The following FUT8 variants were observed in gnomAD, a reference collection of about 807,000 sequenced individuals.
FUT8 encodes fucosyltransferase 8.
FUT8 carries 29 observed loss-of-function variants against 71.3 expected under a neutral mutation model. That is an observed-to-expected ratio of 0.41 (90% CI 0.30 to 0.55). The LOEUF is 0.55. FUT8 is among the 20% of genes least tolerant of loss of function. FUT8 has a pLI of 0.34. For missense variants in FUT8, 544 were observed against 702.1 expected (o/e 0.77, Z 2.55); for synonymous variants, 254 against 239.3 (o/e 1.06, Z -0.57).
chr14:65,405,488 A>G, the FUT8 span, among the ~76,000 whole-genome samples: 1 of 152,248 alleles, frequency 6.6e-6, no homozygotes, highest in Non-Finnish European at 1.5e-5. Context: ...CATCCAGGTC[A>G]TTAATGAAAA....
the FUT8 span, among the ~76,000 whole-genome samples, chr14:65,372,455 A>T: frequency 6.8e-6 from 1 of 146,616 alleles, no homozygotes; most frequent in Non-Finnish European, 1.5e-5. Flanking sequence ...TTGCTCTGTC[A>T]CCCGAGCTGG....
In FUT8 at chr14:65,561,472, C is replaced by A; in HGVS notation, c.-92C>A. ...CATCATGTGTTGAAACAACAGAAGTCTATTCACCTGTGCACTAACTAGAAA... is the reference window on the plus strand; with the variant it reads ...CATCATGTGTTGAAACAACAGAAGTATATTCACCTGTGCACTAACTAGAAA... On this transcript the variant is annotated 5_prime_UTR_variant, in exon 3 of 11. Coordinates refer to ENST00000673929, the MANE Select transcript of FUT8 (RefSeq NM_001371533.1). 2 of 1,157,408 alleles carry A rather than the reference C, an allele frequency of 1.7e-6. No individual in the cohort carries two copies. Among genetic ancestry groups the A allele is most frequent in the Non-Finnish European group, 2.5e-6 (2 of 784,784 alleles). 71.7% of individuals were successfully genotyped at this position (1,157,408 alleles called of 1,614,324 possible). A position where few individuals can be genotyped will look rare whatever the true frequency, so the allele number is the denominator to read the frequency against.
intron 2 of FUT8, among the ~76,000 whole-genome samples, chr14:65,522,166 A>G (rs988398833): frequency 1.3e-5 from 2 of 152,128 alleles, no homozygotes; most frequent in East Asian, 3.8e-4. Context: ...TGCATCTAGA[A>G]TCAGATTGCT....
At chr14:65,741,808 C>T (rs1475594930) in intron 10 of FUT8, among the ~76,000 whole-genome samples, 2 of 151,948 alleles carry the variant, frequency 1.3e-5, no homozygotes, top group Non-Finnish European at 2.9e-5. Context: ...TTAAAATTAA[C>T]TAATTCATAT....
In FUT8 at chr14:65,478,493, G is replaced by T. The variant is rs193076793; in HGVS notation, c.-228+22775G>T. Among the ~76,000 whole-genome samples, 730 of 152,184 alleles carry T rather than the reference G, an allele frequency of 4.8e-3. 24 individuals are homozygous for T. The highest frequency in any genetic ancestry group is 1.4e-3 in the Non-Finnish European group (92 of 68,016). On this transcript the variant is annotated intron_variant, in intron 2 of 10. Transcript: ENST00000673929. ...TTTACTTGATATTCTGAATTCTTAAGTGTGATTTTTTTTTCTAATTTGGGG... is the reference window on the plus strand; with the variant it reads ...TTTACTTGATATTCTGAATTCTTAATTGTGATTTTTTTTTCTAATTTGGGG...
At chr14:65,513,027 C>T (rs1882467855) in intron 2 of FUT8, among the ~76,000 whole-genome samples, 1 of 151,840 alleles carries the variant, frequency 6.6e-6, no homozygotes, top group South Asian at 2.1e-4. Flanking sequence ...GAATCATGAG[C>T]TTAAATTAGT....
chr14:65,633,171 G>A (rs1196280642), intron 6 of FUT8, among the ~76,000 whole-genome samples: 61 of 151,122 alleles, frequency 4.0e-4, no homozygotes, highest in African/African-American at 1.3e-3. Context: ...GGCGCGCGCC[G>A]CCACGCCTGA....
chr14:65,664,926 T>C (rs766863472), intron 6 of FUT8, among the ~76,000 whole-genome samples: 4 of 152,092 alleles, frequency 2.6e-5, no homozygotes, highest in Non-Finnish European at 5.9e-5. Context: ...AGGAATAATT[T>C]AGCAATAGCT....
At chr14:65,412,054 TA>T (rs1167023082), upstream of FUT8, 2 of 456,690 alleles carry the variant, frequency 4.4e-6, no homozygotes, top group Non-Finnish European at 8.8e-6. Flanking sequence ...TTTCCCGTAC[TA>T]AATAAACTTC....
At chr14:65,584,280 G>A (rs187380802) in intron 3 of FUT8, among the ~76,000 whole-genome samples, 6 of 150,716 alleles carry the variant, frequency 4.0e-5, no homozygotes, top group African/African-American at 1.5e-4. Context: ...CCAGATTCAA[G>A]CGATTCTCCT....
chr14:65,601,913 C>G (rs1888307763), intron 3 of FUT8, among the ~76,000 whole-genome samples: 1 of 152,066 alleles, frequency 6.6e-6, no homozygotes, highest in Admixed American at 6.6e-5. Context: ...ATATTTGCTT[C>G]AGATTGCTAG....
upstream of FUT8, chr14:65,411,632 A>G (rs2065124533): frequency 5.6e-6 from 1 of 177,508 alleles, no homozygotes; most frequent in African/African-American, 2.4e-5. Context: ...CTTTGGGATA[A>G]GTATCCCCGG....
chr14:65,699,627 A>T (rs570394968), intron 7 of FUT8, among the ~76,000 whole-genome samples: 1 of 152,192 alleles, frequency 6.6e-6, no homozygotes, highest in Non-Finnish European at 1.5e-5. Flanking sequence ...CCACAGCCAC[A>T]TAGAAATGGG....
At chr14:65,367,615 TAATCAAAGAAGG>T in the FUT8 span, among the ~76,000 whole-genome samples, 4 of 152,156 alleles carry the variant, frequency 2.6e-5, no homozygotes, top group Non-Finnish European at 4.4e-5. Context: ...CCCCAAATCA[TAATCAAAGAAGG>T]TAATCCAGAA....
At chr14:65,361,137 C>T in the FUT8 span, among the ~76,000 whole-genome samples, 1 of 151,840 alleles carries the variant, frequency 6.6e-6, no homozygotes, top group African/African-American at 2.4e-5. Flanking sequence ...GCAGGCGGAT[C>T]ATGAGGTCAG....
intron 7 of FUT8, among the ~76,000 whole-genome samples, chr14:65,719,786 T>C (rs1164471553): frequency 6.6e-6 from 1 of 152,248 alleles, no homozygotes. Flanking sequence ...CTTGTTCTCT[T>C]CCCTTACTTT....
chr14:65,525,364 G>A (rs541754862), intron 2 of FUT8, among the ~76,000 whole-genome samples: 1 of 152,224 alleles, frequency 6.6e-6, no homozygotes, highest in East Asian at 1.9e-4. Flanking sequence ...GGTGTTTATA[G>A]TATTCTCTGA....
chr14:65,511,462 A>G (rs1240705317), intron 2 of FUT8, among the ~76,000 whole-genome samples: 1 of 152,118 alleles, frequency 6.6e-6, no homozygotes, highest in East Asian at 1.9e-4. Context: ...CTCTGCCTGG[A>G]AGATCTGTTC....
chr14:65,678,063 T>G (rs1449642183), intron 7 of FUT8, among the ~76,000 whole-genome samples: 2 of 152,236 alleles, frequency 1.3e-5, no homozygotes, highest in Non-Finnish European at 2.9e-5. Flanking sequence ...CTTACAGAGT[T>G]GTTATGAGCA....
Sources: gnomAD v4.1 joint callset for allele counts (sites outside exome capture counted in the v4.1 genomes callset) on GRCh38, gnomAD v4.1.1 for gene constraint, MANE v1.5 for transcripts, NCBI Gene and HGNC (gene_info 2026-07-23, HGNC 2026-07-21) for gene names.